SLC6A9: variants seen among roughly 807,000 people sequenced by gnomAD.
SLC6A9 encodes sodium- and chloride-dependent glycine transporter 1.
A neutral mutation model predicts 70.9 loss-of-function variants in SLC6A9; 31 were observed. The ratio of observed to expected loss-of-function variants is 0.44; its 90% CI spans 0.33 to 0.59. SLC6A9 has a LOEUF of 0.59. Ranked by LOEUF, SLC6A9 falls within the 20% of genes least tolerant of loss-of-function variation. The pLI, the probability that SLC6A9 is intolerant of heterozygous loss-of-function variation, is 0.04. For missense variants in SLC6A9, 631 were observed against 845.2 expected (o/e 0.75, Z 3.14); for synonymous variants, 310 against 341.3 (o/e 0.91, Z 1.01).
Position 43,997,553 on chromosome 1 carries a change from G to A in SLC6A9, c.1894C>T (p.Arg632Trp), listed in dbSNP as rs2286246. The change falls in exon 14 of 14, where the codon CGG becomes TGG. Residue 632 changes from arginine to tryptophan, a missense_variant. Arg to Trp is a moderately radical substitution (Grantham distance 101). Transcript: ENST00000372310. The surrounding 1 kb of genome is among the most constrained non-coding windows in gnomAD (Gnocchi z 4.4). ...SNGSSRLQDS[R>W]I is the part of the protein sequence containing the mutation. ...TCCCCTGGCAGCTGTGCTCATATCC[G>A]GGAGTCCTGGAGGCGGCTGGAGCCA... is the stretch of plus-strand genomic sequence containing the variant. The A allele has an allele frequency of 1.2e-5, 19 of 1,613,090 alleles. No individual in the cohort carries two copies. Among genetic ancestry groups the A allele is most frequent in the East Asian group, 8.9e-5 (4 of 44,830 alleles).
intron 2 of SLC6A9, among the ~76,000 whole-genome samples, chr1:44,020,504 A>G (rs2086861846): frequency 6.6e-6 from 1 of 152,172 alleles, no homozygotes; most frequent in Non-Finnish European, 1.5e-5. Context: ...ACAGGGTGAC[A>G]GGCTGTCTTC....
chr1:43,998,078 C>T, intron 12 of SLC6A9, 53 bp from the exon 13 acceptor site: 2 of 1,493,010 alleles, frequency 1.3e-6, no homozygotes. Context: ...AGCCCAGACC[C>T]CAGGCCATCC....
chr1:44,008,148 A>G (rs1211999157), intron 5 of SLC6A9, among the ~76,000 whole-genome samples: 3 of 152,116 alleles, frequency 2.0e-5, no homozygotes, highest in African/African-American at 4.8e-5. Flanking sequence ...GATTACAGGC[A>G]TGAGCCACCG....
Position 44,000,988 on chromosome 1 carries a change from CAGG to C in SLC6A9, c.1400_1402del (p.Ser467del). The C allele has an allele frequency of 1.9e-6, 3 of 1,590,180 alleles. No homozygotes were observed. The highest frequency in any genetic ancestry group is 2.6e-6 in the Non-Finnish European group (3 of 1,166,498). On this transcript the variant is annotated inframe_deletion, in exon 11 of 14. Transcript: ENST00000372310. ...GTACATGATGGCCACACACATGATG[CAGG>C]AGATGACCACCAAGGAGAAGCTGGC...
chr1:44,016,160 A>G (rs1233861134), intron 2 of SLC6A9, among the ~76,000 whole-genome samples: 1 of 152,192 alleles, frequency 6.6e-6, no homozygotes, highest in Non-Finnish European at 1.5e-5. Flanking sequence ...GACCCTGGCC[A>G]GCTCCTCGCT....
At chr1:44,023,871 C>T (rs537788839) in intron 2 of SLC6A9, among the ~76,000 whole-genome samples, 7 of 152,264 alleles carry the variant, frequency 4.6e-5, no homozygotes, top group African/African-American at 1.7e-4. Context: ...CTGAGAAGGA[C>T]CCAAAGAAGT....
intron 5 of SLC6A9, among the ~76,000 whole-genome samples, chr1:44,006,927 C>A (rs1348958421): frequency 6.6e-6 from 1 of 152,118 alleles, no homozygotes; most frequent in Non-Finnish European, 1.5e-5. Context: ...ATCCTCAGAC[C>A]CTTGTACATT....
chr1:44,017,719 G>A (rs2086798200), intron 2 of SLC6A9, among the ~76,000 whole-genome samples: 1 of 152,228 alleles, frequency 6.6e-6, no homozygotes, highest in Non-Finnish European at 1.5e-5. Flanking sequence ...CAGGGTGATG[G>A]GGCGTCTTCC....
In SLC6A9 at chr1:44,001,144, T is replaced by C. The variant is rs1306313412; in HGVS notation, c.1335+20A>G. On this transcript the variant is annotated intron_variant, in intron 10 of 13. Coordinates refer to ENST00000372310, the MANE Select transcript of SLC6A9 (RefSeq NM_001024845.3). ...CGTCCTGGCAACTCTGGGCCAGCCC[T>C]TCCCTTACGCAGCTCTTACCTGGCT... The C allele has an allele frequency of 6.2e-7, 1 of 1,614,194 alleles. No homozygotes were observed. Among genetic ancestry groups the C allele is most frequent in the Non-Finnish European group, 8.5e-7 (1 of 1,180,022 alleles).
intron 2 of SLC6A9, chr1:44,011,495 T>C (rs2086567115): frequency 2.2e-6 from 3 of 1,388,822 alleles, no homozygotes; most frequent in Middle Eastern, 2.1e-4. Flanking sequence ...TCTGGGACTC[T>C]AGGTGGGAGG....
At chr1:44,021,351 G>A (rs2086880282) in intron 2 of SLC6A9, among the ~76,000 whole-genome samples, 1 of 152,214 alleles carries the variant, frequency 6.6e-6, no homozygotes. Context: ...GCCTGGCAGA[G>A]ACCATCTGGG....
chr1:44,024,305 C>A lies in SLC6A9; in HGVS notation c.-28G>T, dbSNP rs200488126. 1.6e-5 allele frequency: 26 copies of A among 1,613,864 alleles called. No homozygotes were observed. The highest frequency in any genetic ancestry group is 1.8e-5 in the Non-Finnish European group (21 of 1,179,818). ...CGGCGGTGGGTTGGGGCTCTGGTGACGGGGACCACACTCACAGGCTCTGCT... is the reference window on the plus strand; with the variant it reads ...CGGCGGTGGGTTGGGGCTCTGGTGAAGGGGACCACACTCACAGGCTCTGCT... On this transcript the variant is annotated 5_prime_UTR_variant, in exon 2 of 14. Transcript: ENST00000372310.
At chr1:44,010,457 G>GGT (rs1553162537) in intron 3 of SLC6A9, 1 of 60,104 alleles carries the variant, frequency 1.7e-5, no homozygotes. Flanking sequence ...CCTTGTGGGC[G>GGT]GGGGGGGGGG....
intron 2 of SLC6A9, among the ~76,000 whole-genome samples, chr1:44,012,736 G>A (rs527384121): frequency 6.6e-6 from 1 of 152,344 alleles, no homozygotes; most frequent in African/African-American, 2.4e-5. Flanking sequence ...TATGGAAGGA[G>A]GACAAGGCAG....
intron 1 of SLC6A9, among the ~76,000 whole-genome samples, chr1:44,027,486 A>G (rs1219970479): frequency 6.6e-6 from 1 of 152,182 alleles, no homozygotes; most frequent in African/African-American, 2.4e-5. Context: ...AGTTTTCCAC[A>G]GCCAACAGGA....
rs542196327 is a variant in SLC6A9 at position 44,004,401 on chromosome 1, A to C, written c.591-1416T>G. Among the ~76,000 whole-genome samples the C allele has an allele frequency of 3.3e-5, 5 of 152,202 alleles. No homozygotes were observed. The South Asian group carries it at 6.2e-4, about 19-fold the overall frequency. On this transcript the variant is annotated intron_variant, in intron 5 of 13. Transcript: ENST00000372310. The stretch of plus-strand genomic sequence containing the variant: ...TGCTCTATAGCCCAGGCTGGAGTGC[A>C]ATGGCACAATCATGGCTCACTGCAG...
rs199917588 is a variant in SLC6A9, at chr1:44,001,015, G to C, written c.1376C>G (p.Ala459Gly). Residue 459 changes from alanine to glycine, a missense_variant, in exon 11 of 14, where the codon GCC becomes GGC. By Grantham distance (60) the Ala-to-Gly change is moderately conservative (BLOSUM62 0). Transcript: ENST00000372310. ...YWLLLMDNYA[A>G]SFSLVVISCI... ...GGAGATGACCACCAAGGAGAAGCTG[G>C]CCGCATAGTTGTCCATCAGCAGCAG... 1 of 1,580,916 alleles carries C rather than the reference G, an allele frequency of 6.3e-7. No individual in the cohort carries two copies. Among genetic ancestry groups the C allele is most frequent in the Admixed American group, 1.8e-5 (1 of 57,128 alleles).
chr1:44,009,529 G>A (rs2086468357), intron 4 of SLC6A9, among the ~76,000 whole-genome samples: 1 of 152,016 alleles, frequency 6.6e-6, no homozygotes, highest in African/African-American at 2.4e-5. Flanking sequence ...GGCCAAGATG[G>A]GGTTTCTCCA....
chr1:44,001,784 A>G lies in SLC6A9; in HGVS notation c.963-157T>C, dbSNP rs143834685. On this transcript the variant is annotated intron_variant, in intron 8 of 13. Transcript: ENST00000372310. The stretch of plus-strand genomic sequence containing the variant: ...ACTCTGTTGTCCAGGATGGAGTGCA[A>G]TGGCGCTATCACAGCTAACTGTAGC... 7.8e-3 allele frequency among the ~76,000 whole-genome samples: 1,189 copies of G among 152,012 alleles called. 15 individuals are homozygous for G. The highest frequency in any genetic ancestry group is 0.027 in the African/African-American group (1,103 of 41,464).
Sources: allele counts gnomAD v4.1 joint callset (sites outside exome capture counted in the v4.1 genomes callset), GRCh38; gene constraint gnomAD v4.1.1; non-coding constraint Gnocchi (gnomAD v3.1); transcripts MANE v1.5; gene names NCBI Gene and HGNC (gene_info 2026-07-23, HGNC 2026-07-21).